Variants in EFR3B observed in about 807,000 individuals in gnomAD.
The protein encoded by EFR3B is EFR3 homolog B.
EFR3B carries 64 observed loss-of-function variants against 104.7 expected under a neutral mutation model. That is an observed-to-expected ratio of 0.61 (90% confidence interval 0.50 to 0.75). EFR3B has a LOEUF of 0.75. Among genes scored for constraint, EFR3B ranks in the 30% least tolerant of loss-of-function variants. EFR3B has a pLI of 0.00. For missense variants in EFR3B, 750 were observed against 1,078.5 expected (o/e 0.70, Z 4.27); for synonymous variants, 385 against 417.9 (o/e 0.92, Z 0.96).
At chr2:25,059,875 CAAAAA>C (rs773320701) in intron 1 of EFR3B, among the ~76,000 whole-genome samples, 22 of 48,748 alleles carry the variant, frequency 4.5e-4, no homozygotes, top group East Asian at 1.1e-3. Context: ...AACTCTGTCT[CAAAAA>C]AAAAAAAAAA....
At chr2:25,060,689 G>A (rs1668167188) in intron 1 of EFR3B, among the ~76,000 whole-genome samples, 2 of 151,956 alleles carry the variant, frequency 1.3e-5, no homozygotes, top group South Asian at 4.1e-4. Context: ...GGGAGGCCGA[G>A]GTGGGTGGAT....
intron 21 of EFR3B, among the ~76,000 whole-genome samples, chr2:25,152,553 C>T (rs1352457701): frequency 6.6e-6 from 1 of 151,964 alleles, no homozygotes; most frequent in Non-Finnish European, 1.5e-5. Context: ...GGTACCTTGG[C>T]AGGGGGATGG....
At chr2:25,126,017 A>G (rs1558612365) in intron 5 of EFR3B, among the ~76,000 whole-genome samples, 1 of 152,254 alleles carries the variant, frequency 6.6e-6, no homozygotes, top group Non-Finnish European at 1.5e-5. Flanking sequence ...AAGGATTTGA[A>G]TTGAAATAGC....
chr2:25,110,613 GC>G (rs1179794146), intron 4 of EFR3B, among the ~76,000 whole-genome samples: 2 of 152,040 alleles, frequency 1.3e-5, no homozygotes, highest in Non-Finnish European at 2.9e-5. Flanking sequence ...CCTTTGCCTT[GC>G]TTTGATTCCT....
At chr2:25,110,646 T>G (rs1669699234) in intron 4 of EFR3B, among the ~76,000 whole-genome samples, 1 of 152,128 alleles carries the variant, frequency 6.6e-6, no homozygotes, top group Admixed American at 6.5e-5. Context: ...AAACACAAGT[T>G]CAAGTCTCTT....
rs1671132914 is a variant in EFR3B, at chr2:25,155,393, T to TCA, written c.*1055_*1056dup. On this transcript the variant is annotated 3_prime_UTR_variant, in exon 23 of 23. Transcript: ENST00000403714. ...AACACCTAATATTGGAATGATTTCT[T>TCA]CACTCTCTGGACAAAGTCTGGGACA... 1 of 152,184 alleles carries TCA rather than the reference T, an allele frequency of 6.6e-6. No homozygotes were observed. Among genetic ancestry groups the TCA allele is most frequent in the Non-Finnish European group, 1.5e-5 (1 of 68,028 alleles). The allele number at this position is 152,184 out of a possible 1,614,324, so 9.4% of individuals were successfully genotyped here.
intron 1 of EFR3B, among the ~76,000 whole-genome samples, chr2:25,067,437 T>TGTTG (rs1558587937): frequency 3.3e-5 from 5 of 150,350 alleles, no homozygotes; most frequent in Admixed American, 2.0e-4. Flanking sequence ...TTTTTTTTTT[T>TGTTG]TTGTTTTTTG....
intron 3 of EFR3B, among the ~76,000 whole-genome samples, chr2:25,099,962 G>A (rs1283394320): frequency 6.6e-6 from 1 of 152,094 alleles, no homozygotes; most frequent in African/African-American, 2.4e-5. Flanking sequence ...GAGCAATTTG[G>A]GAGGCCGAGG....
At chr2:25,105,016 C>G (rs754573878) in intron 4 of EFR3B, among the ~76,000 whole-genome samples, 2 of 152,232 alleles carry the variant, frequency 1.3e-5, no homozygotes, top group African/African-American at 4.8e-5. Context: ...CCCTTTTGGA[C>G]ATACTTTAAG....
At chr2:25,133,111 C>G (rs1172266955) in intron 11 of EFR3B, 97 bp downstream of exon 11, 2 of 1,172,564 alleles carry the variant, frequency 1.7e-6, no homozygotes, top group South Asian at 2.8e-5. Context: ...TGGCTCTGCC[C>G]TCTGCTCTCT....
intron 4 of EFR3B, among the ~76,000 whole-genome samples, chr2:25,113,083 G>A (rs1296471745): frequency 6.6e-6 from 1 of 152,098 alleles, no homozygotes; most frequent in East Asian, 1.9e-4. Flanking sequence ...AGCAAGCTTG[G>A]TGCCCTTTGT....
chr2:25,088,834 G>A (rs1053252789), intron 1 of EFR3B, among the ~76,000 whole-genome samples: 1 of 152,200 alleles, frequency 6.6e-6, no homozygotes, highest in Non-Finnish European at 1.5e-5. Context: ...GAGGGCTGAA[G>A]AGGTTAGGAA....
Position 25,128,960 on chromosome 2 carries a change from C to CAAAAAAA in EFR3B, c.635+663_635+669dup, listed in dbSNP as rs1170505822. 7.5e-4 allele frequency among the ~76,000 whole-genome samples: 20 copies of CAAAAAAA among 26,688 alleles called. 4 individuals carry two copies. Among genetic ancestry groups the CAAAAAAA allele is most frequent in the Non-Finnish European group, 1.2e-3 (17 of 14,532 alleles). 17.5% of individuals were successfully genotyped at this position (26,688 alleles called of 152,430 possible). A position where few individuals can be genotyped will look rare whatever the true frequency, so the allele number is the denominator to read the frequency against. On this transcript the variant is annotated intron_variant, in intron 6 of 22. Coordinates refer to ENST00000403714, the MANE Select transcript of EFR3B (RefSeq NM_014971.2). ...TGGGCGACGGAGCGAGACTCCGTCT[C>CAAAAAAA]AAAAAAAAAAAAAAAAAAAAAAAAA...
At chr2:25,127,191 C>CAAAAAAAAAAAAAA (rs57818903) in intron 5 of EFR3B, among the ~76,000 whole-genome samples, 2 of 51,734 alleles carry the variant, frequency 3.9e-5, no homozygotes, top group Non-Finnish European at 6.9e-5. Context: ...GACTCCACCT[C>CAAAAAAAAAAAAAA]AAAAAAAAAA....
At chr2:25,146,559 C>T (rs747062490) in intron 19 of EFR3B, 19 of 152,292 alleles carry the variant, frequency 1.2e-4, no homozygotes, top group Non-Finnish European at 2.2e-4. Flanking sequence ...GCGATTCTCC[C>T]TTCCCAAGAG....
intron 20 of EFR3B, among the ~76,000 whole-genome samples, chr2:25,150,849 A>T (rs1356559756): frequency 6.6e-6 from 1 of 151,990 alleles, no homozygotes; most frequent in African/African-American, 2.4e-5. Context: ...GACCTTAGGC[A>T]GTCAGCCCTC....
intron 4 of EFR3B, among the ~76,000 whole-genome samples, chr2:25,108,532 A>G (rs1317371154): frequency 6.6e-6 from 1 of 152,196 alleles, no homozygotes; most frequent in Non-Finnish European, 1.5e-5. Flanking sequence ...ACACACAAAA[A>G]TTAACTCAAA....
At chr2:25,101,858 A>G (rs781060436) in intron 3 of EFR3B, among the ~76,000 whole-genome samples, 2 of 152,208 alleles carry the variant, frequency 1.3e-5, no homozygotes, top group Non-Finnish European at 2.9e-5. Context: ...AACCAGAATA[A>G]TTTCTGAAAG....
At chr2:25,066,480 G>A (rs1327065033) in intron 1 of EFR3B, among the ~76,000 whole-genome samples, 1 of 152,104 alleles carries the variant, frequency 6.6e-6, no homozygotes. Context: ...CCTTGTGCTT[G>A]GCACCCCCAC....
Sources: gnomAD v4.1 joint callset for allele counts (sites outside exome capture counted in the v4.1 genomes callset) on GRCh38, gnomAD v4.1.1 for gene constraint, MANE v1.5 for transcripts, NCBI Gene and HGNC (gene_info 2026-07-23, HGNC 2026-07-21) for gene names.